The following ZFYVE9 variants were observed in gnomAD, a reference collection of about 807,000 sequenced individuals.
ZFYVE9 encodes the protein zinc finger FYVE domain-containing protein 9.
ZFYVE9 carries 43 observed loss-of-function variants against 126.7 expected under a neutral mutation model. That is an observed-to-expected ratio of 0.34 (90% CI 0.27 to 0.44). The LOEUF is 0.44. Among genes scored for constraint, ZFYVE9 ranks in the 20% least tolerant of loss-of-function variants. The pLI is 1.00. For synonymous variants in ZFYVE9, 521 were observed against 597.4 expected, an observed-to-expected ratio of 0.87 and a Z score of 1.87; for missense variants, 1,476 against 1,697.0, an observed-to-expected ratio of 0.87 and a Z score of 2.29.
At chr1:52,337,982 G>T (rs1422581857) in intron 16 of ZFYVE9, 48 bp downstream of exon 16, 1 of 1,578,522 alleles carries the variant, frequency 6.3e-7, no homozygotes, top group Non-Finnish European at 8.6e-7. Flanking sequence ...TATAGGTTAG[G>T]CTCTGGGTTT....
intron 1 of ZFYVE9, among the ~76,000 whole-genome samples, chr1:52,159,821 A>G (rs1021456088): frequency 2.7e-5 from 4 of 150,618 alleles, no homozygotes; most frequent in African/African-American, 4.9e-5. Flanking sequence ...TTTGAGATGG[A>G]GTCTCGCTCT....
chr1:52,285,199 A>G (rs767512545), intron 10 of ZFYVE9, among the ~76,000 whole-genome samples: 9 of 152,282 alleles, frequency 5.9e-5, no homozygotes, highest in South Asian at 2.1e-4. Flanking sequence ...TCAGTTCTTA[A>G]AAACACAGAT....
intron 13 of ZFYVE9, among the ~76,000 whole-genome samples, chr1:52,328,009 T>G (rs1040846298): frequency 1.3e-5 from 2 of 150,570 alleles, no homozygotes; most frequent in African/African-American, 4.9e-5. Context: ...AAGAAAATAG[T>G]AATGCAAAGC....
chr1:52,210,491 T>C (rs1271883501), intron 1 of ZFYVE9, among the ~76,000 whole-genome samples: 1 of 152,212 alleles, frequency 6.6e-6, no homozygotes. Context: ...TTAAGGTTTT[T>C]ATTCTTCTCT....
At chr1:52,227,316 G>A (rs1415488051) in intron 2 of ZFYVE9, among the ~76,000 whole-genome samples, 1 of 152,186 alleles carries the variant, frequency 6.6e-6, no homozygotes, top group African/African-American at 2.4e-5. Context: ...TGAGAAGATA[G>A]TGCCCTCTTT....
chr1:52,320,621 C>T (rs1220415539), intron 13 of ZFYVE9, among the ~76,000 whole-genome samples: 2 of 152,046 alleles, frequency 1.3e-5, no homozygotes, highest in African/African-American at 2.4e-5. Flanking sequence ...ATACCATGTA[C>T]AAAAATTAAT....
At chr1:52,266,868 A>G (rs1645639004) in intron 6 of ZFYVE9, 37 bp downstream of exon 6, 4 of 1,507,182 alleles carry the variant, frequency 2.7e-6, no homozygotes, top group Non-Finnish European at 2.7e-6. Flanking sequence ...CTTTTTCCTC[A>G]CGAAGTTCCT....
At chr1:52,339,992 G>T in intron 16 of ZFYVE9, 134 bp from the exon 17 acceptor site, 1 of 682,090 alleles carries the variant, frequency 1.5e-6, no homozygotes. Flanking sequence ...TTCTTGCTAT[G>T]ATGTGCTGCA....
chr1:52,268,644 A>G lies in ZFYVE9; in HGVS notation c.2625+12A>G. On this transcript the variant is annotated intron_variant, in intron 7 of 18. Transcript: ENST00000287727. ...CTCTACCAGCAGAGGTAAGAAAACAAAACAGCAACTAAAATTGCATAGCTA... is the reference window on the plus strand; with the variant it reads ...CTCTACCAGCAGAGGTAAGAAAACAGAACAGCAACTAAAATTGCATAGCTA... 1.2e-6 allele frequency: 2 copies of G among 1,611,478 alleles called. No individual in the cohort carries two copies. The highest frequency in any genetic ancestry group is 1.7e-4 in the Middle Eastern group (1 of 6,036).
At chr1:52,176,509 G>A (rs1322676221) in intron 1 of ZFYVE9, among the ~76,000 whole-genome samples, 1 of 152,188 alleles carries the variant, frequency 6.6e-6, no homozygotes, top group Non-Finnish European at 1.5e-5. Flanking sequence ...GAGAACCACT[G>A]CTCTCTTCAA....
At chr1:52,207,815 GTTCTAA>G (rs1644991796) in intron 1 of ZFYVE9, among the ~76,000 whole-genome samples, 1 of 152,146 alleles carries the variant, frequency 6.6e-6, no homozygotes, top group Admixed American at 6.5e-5. Flanking sequence ...TTGCCTTTCT[GTTCTAA>G]TTCTTTCACA....
chr1:52,227,747 T>C (rs933401195), intron 2 of ZFYVE9, among the ~76,000 whole-genome samples: 2 of 152,196 alleles, frequency 1.3e-5, no homozygotes, highest in African/African-American at 4.8e-5. Flanking sequence ...TAATTTCTCA[T>C]GGTTTATTTT....
At chr1:52,162,342 C>A in intron 1 of ZFYVE9, 1 of 385,956 alleles carries the variant, frequency 2.6e-6, no homozygotes, top group Non-Finnish European at 5.2e-6. Context: ...CGTCTGTGAC[C>A]ACCTCCACTG....
chr1:52,293,359 A>C, intron 10 of ZFYVE9, 94 bp from the exon 11 acceptor site: 1 of 1,136,698 alleles, frequency 8.8e-7, no homozygotes, highest in Non-Finnish European at 1.2e-6. Context: ...AGCCTGGGCA[A>C]CAGCCAGACT....
chr1:52,278,683 T>G, intron 9 of ZFYVE9, 69 bp downstream of exon 9: 1 of 1,104,590 alleles, frequency 9.1e-7, no homozygotes, highest in African/African-American at 1.6e-5. Flanking sequence ...AACTTTCAGA[T>G]TTATTACACA....
Position 52,157,359 on chromosome 1 carries a change from ATCTG to A in ZFYVE9, c.-143+14962_-143+14965del, listed in dbSNP as rs914965238. Among the ~76,000 whole-genome samples the A allele has an allele frequency of 9.0e-5, 10 of 110,816 alleles. 1 individual carries two copies. The highest frequency in any genetic ancestry group is 2.4e-4 in the African/African-American group (7 of 29,224). 72.7% of individuals were successfully genotyped at this position (110,816 alleles called of 152,430 possible). ...ATATTAAGCAGCACTGATTTTGACT[ATCTG>A]TCTGTTTTTTTCCTTATGGCACCAT... On this transcript the variant is annotated intron_variant, in intron 1 of 18. Coordinates refer to ENST00000287727, the MANE Select transcript of ZFYVE9 (RefSeq NM_004799.4).
rs1644270032 is a variant in ZFYVE9 at position 52,142,696 on chromosome 1, T to C, written c.-143+293T>C. Among the ~76,000 whole-genome samples the C allele has an allele frequency of 6.6e-6, 1 of 152,192 alleles. No homozygotes were observed. Among genetic ancestry groups the C allele is most frequent in the Middle Eastern group, 3.4e-3 (1 of 294 alleles). On this transcript the variant is annotated intron_variant, in intron 1 of 18. Transcript: ENST00000287727. This position sits in a 1 kb window ranked among gnomAD's most constrained non-coding sequence, Gnocchi z 4.5. ...AGCACGGCCGCCTTTCGGGTTTGCA[T>C]GGGCCCGGGCCGAGCGCAGCCTCTT... is the stretch of plus-strand genomic sequence containing the variant.
intron 1 of ZFYVE9, among the ~76,000 whole-genome samples, chr1:52,155,320 GC>G (rs971834086): frequency 1.4e-5 from 2 of 145,048 alleles, no homozygotes; most frequent in Non-Finnish European, 3.0e-5. Flanking sequence ...TGCAGGCTCC[GC>G]CCCCCGGGGT....
At chr1:52,275,978 G>A (rs1645744718) in intron 8 of ZFYVE9, among the ~76,000 whole-genome samples, 1 of 142,814 alleles carries the variant, frequency 7.0e-6, no homozygotes, top group Non-Finnish European at 1.5e-5. Context: ...TACAGCCTCA[G>A]CTCACCACAA....
Sources: allele counts gnomAD v4.1 joint callset (sites outside exome capture counted in the v4.1 genomes callset), GRCh38; gene constraint gnomAD v4.1.1; non-coding constraint Gnocchi (gnomAD v3.1); transcripts MANE v1.5; gene names NCBI Gene and HGNC (gene_info 2026-07-23, HGNC 2026-07-21).